RALGAPB: variants seen among roughly 807,000 people sequenced by gnomAD.
RALGAPB encodes the protein ral GTPase-activating protein subunit beta.
RALGAPB carries 25 observed loss-of-function variants against 161.1 expected under a neutral mutation model. That is an observed-to-expected ratio of 0.16 (90% CI 0.11 to 0.22). RALGAPB has a LOEUF of 0.22. Ranked by LOEUF, RALGAPB falls within the 10% of genes least tolerant of loss-of-function variation. The pLI is 1.00. For synonymous variants in RALGAPB, 629 were observed against 626.1 expected, an observed-to-expected ratio of 1.00 and a Z score of -0.07; for missense variants, 1,391 against 1,815.2, an observed-to-expected ratio of 0.77 and a Z score of 4.25.
Position 38,551,194 on chromosome 20 carries a change from C to T in RALGAPB, c.3133C>T (p.Pro1045Ser). 3 of 1,613,830 alleles carry T rather than the reference C, an allele frequency of 1.9e-6. No individual in the cohort carries two copies. The highest frequency in any genetic ancestry group is 2.5e-6 in the Non-Finnish European group (3 of 1,179,772). ...IPFVKADLSIPDLHEIVTEEL... is the reference protein window; with the variant it reads ...IPFVKADLSISDLHEIVTEEL... ...TTTTGTGAAAGCAGATCTCAGCATT[C>T]CAGATTTGCATGAAATAGTCACTGA... is the stretch of plus-strand genomic sequence containing the variant. Residue 1045 changes from proline to serine, a missense_variant, in exon 21 of 30, where the codon CCA (proline) becomes TCA (serine). By Grantham distance (74) the Pro-to-Ser change is moderately conservative. Transcript: ENST00000262879.
At chr20:38,481,415 A>G (rs1228253503) in intron 1 of RALGAPB, among the ~76,000 whole-genome samples, 1 of 152,236 alleles carries the variant, frequency 6.6e-6, no homozygotes, top group Non-Finnish European at 1.5e-5. Flanking sequence ...CCTCACAATC[A>G]TGGCAGAAGG....
At chr20:38,539,394 A>G (rs977978142) in intron 16 of RALGAPB, among the ~76,000 whole-genome samples, 3 of 152,178 alleles carry the variant, frequency 2.0e-5, no homozygotes, top group African/African-American at 7.2e-5. Context: ...AATTTATGAC[A>G]ATTATGCCTC....
At chr20:38,495,260 A>C (rs1027418601) in intron 3 of RALGAPB, among the ~76,000 whole-genome samples, 1 of 152,232 alleles carries the variant, frequency 6.6e-6, no homozygotes, top group Admixed American at 6.5e-5. Flanking sequence ...AGATTATGTC[A>C]GAATGAATGT....
intron 6 of RALGAPB, among the ~76,000 whole-genome samples, chr20:38,513,105 C>T (rs1009679272): frequency 5.3e-5 from 8 of 152,114 alleles, no homozygotes; most frequent in Non-Finnish European, 1.0e-4. Flanking sequence ...CGGTGGCTCA[C>T]GCCTATAATA....
chr20:38,511,469 G>A (rs1600899592), intron 6 of RALGAPB, among the ~76,000 whole-genome samples: 8 of 152,142 alleles, frequency 5.3e-5, no homozygotes, highest in African/African-American at 1.9e-4. Flanking sequence ...CCTAGGCAGA[G>A]GGCCCTGCCG....
intron 13 of RALGAPB, among the ~76,000 whole-genome samples, 177 bp from the exon 14 acceptor site, chr20:38,530,990 A>AG (rs1157174561): frequency 6.6e-6 from 1 of 151,962 alleles, no homozygotes; most frequent in Non-Finnish European, 1.5e-5. Context: ...TATTGAAAAA[A>AG]ACCTGCATAT....
chr20:38,502,730 G>C (rs1415492808), intron 5 of RALGAPB, among the ~76,000 whole-genome samples: 2 of 152,160 alleles, frequency 1.3e-5, no homozygotes, highest in Non-Finnish European at 2.9e-5. Flanking sequence ...AGCCTCCCCA[G>C]TAGCTGGGAT....
rs140253858 is a variant in RALGAPB at position 38,518,514 on chromosome 20, CTT to C, written c.1417+515_1417+516del. Among the ~76,000 whole-genome samples, 1,075 of 152,228 alleles carry C rather than the reference CTT, an allele frequency of 7.1e-3. 18 individuals are homozygous for C. The highest frequency in any genetic ancestry group is 0.023 in the African/African-American group (973 of 41,524). On this transcript the variant is annotated intron_variant, in intron 9 of 29. Transcript: ENST00000262879. ...TTCAAAAATATTATTTGCTTTTTAACTTAATAAAATTGATTGGTGGAGAATTA... is the reference window on the plus strand; with the variant it reads ...TTCAAAAATATTATTTGCTTTTTAACAATAAAATTGATTGGTGGAGAATTA...
In RALGAPB at chr20:38,574,280, G is replaced by A. The variant is rs2145553658; in HGVS notation, c.4273G>A (p.Val1425Ile). The stretch of plus-strand genomic sequence containing the variant: ...CATCCCTCTTGTGGATGGGATGATT[G>A]TCAGCAGGCGAGCTCTTGGTAAGGT... ...MVIPLVDGMI[V>I]SRRALGFLVR... Residue 1425 changes from valine to isoleucine, a missense_variant, in exon 29 of 30, where the codon GTC (valine) becomes ATC (isoleucine). Val to Ile is a conservative substitution (Grantham distance 29). Around this residue, in one of 3 missense-constraint regions of RALGAPB, gnomAD observed 436 missense variants for 527.0 expected, o/e 0.83. Transcript: ENST00000262879. 1.2e-6 allele frequency: 2 copies of A among 1,611,568 alleles called. No homozygotes were observed. Among genetic ancestry groups the A allele is most frequent in the Non-Finnish European group, 1.7e-6 (2 of 1,179,186 alleles).
chr20:38,559,866 C>T (rs2087725871), intron 23 of RALGAPB, among the ~76,000 whole-genome samples: 1 of 152,116 alleles, frequency 6.6e-6, no homozygotes, highest in Non-Finnish European at 1.5e-5. Context: ...ATGGAATAGG[C>T]AGGAAGTTAC....
At chr20:38,481,563 G>A (rs898114370) in intron 1 of RALGAPB, among the ~76,000 whole-genome samples, 18 of 152,162 alleles carry the variant, frequency 1.2e-4, no homozygotes, top group East Asian at 3.8e-4. Context: ...GTGAAGACTT[G>A]CCCCCATAAT....
At chr20:38,474,693 A>T (rs1045121527) in intron 1 of RALGAPB, among the ~76,000 whole-genome samples, 1 of 152,156 alleles carries the variant, frequency 6.6e-6, no homozygotes, top group African/African-American at 2.4e-5. Flanking sequence ...CTTTAGGAAC[A>T]TCGTAGTGAA....
chr20:38,549,275 T>G (rs563744231), intron 20 of RALGAPB, among the ~76,000 whole-genome samples: 1 of 152,162 alleles, frequency 6.6e-6, no homozygotes, highest in East Asian at 1.9e-4. Context: ...TTGCCCAGAC[T>G]GGAGTGCAGT....
intron 23 of RALGAPB, among the ~76,000 whole-genome samples, chr20:38,561,867 G>A (rs907347242): frequency 2.6e-5 from 4 of 152,116 alleles, no homozygotes; most frequent in Admixed American, 2.6e-4. Context: ...GTCTCCAAAT[G>A]TTGGATGTCT....
At chr20:38,534,608 A>G (rs1488240196) in intron 15 of RALGAPB, among the ~76,000 whole-genome samples, 1 of 152,214 alleles carries the variant, frequency 6.6e-6, no homozygotes, top group African/African-American at 2.4e-5. Flanking sequence ...ATTGCATGTG[A>G]GTTTTGATGG....
intron 26 of RALGAPB, 138 bp from the exon 27 acceptor site, chr20:38,569,750 T>C (rs2088159158): frequency 1.6e-6 from 1 of 638,964 alleles, no homozygotes; most frequent in Non-Finnish European, 2.8e-6. Context: ...ATGTATACAC[T>C]TTTTCCTAAA....
intron 4 of RALGAPB, among the ~76,000 whole-genome samples, 174 bp from the exon 5 acceptor site, chr20:38,499,273 G>T (rs1413333127): frequency 6.6e-6 from 1 of 152,088 alleles, no homozygotes; most frequent in Non-Finnish European, 1.5e-5. Flanking sequence ...GTGATTTTGG[G>T]TACAGGAACT....
intron 2 of RALGAPB, 80 bp from the exon 3 acceptor site, chr20:38,492,850 T>C: frequency 8.4e-7 from 1 of 1,188,528 alleles, no homozygotes; most frequent in Non-Finnish European, 1.2e-6. Context: ...TTTTTGGCAA[T>C]AAAAGAGATT....
At chr20:38,509,232 G>A (rs1232536557) in intron 6 of RALGAPB, 24 bp downstream of exon 6, 21 of 1,605,836 alleles carry the variant, frequency 1.3e-5, no homozygotes, top group Non-Finnish European at 1.8e-5. Context: ...ATTATTTCAT[G>A]TGCCATTTAC....
Sources: gnomAD v4.1 joint callset for allele counts (sites outside exome capture counted in the v4.1 genomes callset) on GRCh38, gnomAD v4.1.1 for gene constraint, gnomAD v4.1.1 regional missense constraint, MANE v1.5 for transcripts, NCBI Gene and HGNC (gene_info 2026-07-23, HGNC 2026-07-21) for gene names.